Variants in ZNF69 observed in about 807,000 individuals in gnomAD.
ZNF69 encodes the protein ZNF3.
In ZNF69, 47 loss-of-function variants were observed where a neutral mutation model predicts 50.9. The ratio of observed to expected loss-of-function variants is 0.92; its 90% confidence interval spans 0.73 to 1.18. ZNF69 has a LOEUF of 1.18. Among genes scored for constraint, ZNF69 ranks in the 50% most tolerant of loss-of-function variants. The pLI, the probability that ZNF69 is intolerant of heterozygous loss-of-function variation, is 0.00. For synonymous variants in ZNF69, 216 were observed against 223.1 expected (o/e 0.97, Z 0.29); for missense variants, 717 against 675.1 (o/e 1.06, Z -0.69).
the ZNF69 span, among the ~76,000 whole-genome samples, chr19:11,946,071 G>A: frequency 9.2e-5 from 14 of 152,180 alleles, no homozygotes; most frequent in African/African-American, 2.9e-4. Context: ...CCATGGGCTC[G>A]TTAGGGGCAC....
chr19:11,977,194 C>G, the ZNF69 span: 20 of 1,612,574 alleles, frequency 1.2e-5, no homozygotes, highest in Admixed American at 3.4e-5. Context: ...TTCCCTCAGT[C>G]CATTAGTGAA....
the ZNF69 span, among the ~76,000 whole-genome samples, chr19:11,944,282 AG>A: frequency 6.6e-6 from 1 of 152,070 alleles, no homozygotes. Context: ...ATATTTCATA[AG>A]GGGAATATCC....
At chr19:11,912,623 C>T (rs1220439282) in intron 4 of ZNF69, among the ~76,000 whole-genome samples, 1 of 151,910 alleles carries the variant, frequency 6.6e-6, no homozygotes, top group Non-Finnish European at 1.5e-5. Context: ...TGAGTGTATG[C>T]CATGTGGGAA....
downstream of ZNF69, among the ~76,000 whole-genome samples, chr19:11,911,016 A>G (rs538915237): frequency 2.1e-3 from 314 of 152,316 alleles, no homozygotes; most frequent in Non-Finnish European, 3.2e-3. Context: ...GGCAAAGGAT[A>G]TGAACAGACA....
At chr19:11,897,552 G>A (rs1972151544) in intron 1 of ZNF69, among the ~76,000 whole-genome samples, 1 of 149,934 alleles carries the variant, frequency 6.7e-6, no homozygotes, top group Non-Finnish European at 1.5e-5. Flanking sequence ...TCCAGCCTGG[G>A]CAACAGAATG....
the ZNF69 span, chr19:11,979,876 G>A: frequency 4.2e-6 from 6 of 1,441,450 alleles, no homozygotes; most frequent in Middle Eastern, 3.5e-4. Context: ...ACGTAAGAAT[G>A]CACTCTGTAG....
At chr19:11,908,536 A>C (rs1302101430), downstream of ZNF69, among the ~76,000 whole-genome samples, 3 of 152,148 alleles carry the variant, frequency 2.0e-5, no homozygotes, top group Non-Finnish European at 2.9e-5. Context: ...AACCACTCAA[A>C]TACATGGAAA....
chr19:11,933,813 C>A, the ZNF69 span, among the ~76,000 whole-genome samples: 1 of 143,818 alleles, frequency 7.0e-6, no homozygotes, highest in South Asian at 2.1e-4. Context: ...CCACTGCACT[C>A]TAGCCTGGGT....
At chr19:11,888,048 G>T in intron 1 of ZNF69, 62 bp downstream of exon 1, 1 of 1,537,918 alleles carries the variant, frequency 6.5e-7, no homozygotes, top group Non-Finnish European at 8.9e-7. Flanking sequence ...GACCGGAACC[G>T]ACTGTGGCGA....
At chr19:11,940,508 G>C in the ZNF69 span, among the ~76,000 whole-genome samples, 1 of 151,936 alleles carries the variant, frequency 6.6e-6, no homozygotes, top group African/African-American at 2.4e-5. Context: ...GGAGTTCTTC[G>C]TTCCTCCTGG....
the ZNF69 span, among the ~76,000 whole-genome samples, chr19:11,975,726 G>A: frequency 6.6e-6 from 1 of 152,186 alleles, no homozygotes; most frequent in Admixed American, 6.5e-5. Flanking sequence ...CCCATTGTAT[G>A]TGTATGCTTA....
At chr19:11,928,470 C>T in the ZNF69 span, among the ~76,000 whole-genome samples, 98 of 149,774 alleles carry the variant, frequency 6.5e-4, no homozygotes, top group Non-Finnish European at 1.3e-3. Context: ...CGGTGGCTCA[C>T]GCCTGTAATC....
the ZNF69 span, chr19:11,977,990 T>C: frequency 8.3e-7 from 1 of 1,206,702 alleles, no homozygotes; most frequent in Non-Finnish European, 1.2e-6. Context: ...TCCATTTACC[T>C]TCAAACAATT....
chr19:11,947,389 CAT>C, the ZNF69 span: 24 of 1,606,966 alleles, frequency 1.5e-5, no homozygotes, highest in Non-Finnish European at 2.0e-5. Flanking sequence ...TGATTTTGAA[CAT>C]AGACAGGAAA....
At chr19:11,966,782 T>A in the ZNF69 span, among the ~76,000 whole-genome samples, 1 of 152,170 alleles carries the variant, frequency 6.6e-6, no homozygotes, top group Admixed American at 6.6e-5. Flanking sequence ...GTTGCCTTAT[T>A]TGGACTTGTC....
Position 11,888,802 on chromosome 19 carries a change from T to A in ZNF69, c.63+816T>A, listed in dbSNP as rs1977011215. 2.6e-5 allele frequency among the ~76,000 whole-genome samples: 4 copies of A among 152,014 alleles called. No homozygotes were observed. In the South Asian group the frequency reaches 8.3e-4, roughly 32 times the overall value. On this transcript the variant is annotated intron_variant, in intron 1 of 3. Coordinates refer to ENST00000429654, the MANE Select transcript of ZNF69 (RefSeq NM_001364730.1). ...GGCCAACATGGTGAAACCCCGTCTC[T>A]ACTAAAAATATAAAAAAGAAACTAG...
At chr19:11,914,517 A>G (rs1181084910), downstream of ZNF69, among the ~76,000 whole-genome samples, 1 of 152,240 alleles carries the variant, frequency 6.6e-6, no homozygotes, top group African/African-American at 2.4e-5. Context: ...TTACTGAGTC[A>G]TAGGAGGCTA....
At chr19:11,907,501 A>G (rs28842286), downstream of ZNF69, among the ~76,000 whole-genome samples, 16,464 of 152,198 alleles carry the variant, frequency 0.11, 1,965 homozygotes, top group African/African-American at 0.29. Flanking sequence ...CAAGCCAGAA[A>G]AGAGTGGGGG....
chr19:11,962,158 C>A, the ZNF69 span, among the ~76,000 whole-genome samples: 5 of 151,942 alleles, frequency 3.3e-5, no homozygotes, highest in African/African-American at 9.7e-5. Context: ...TGGCTCACAC[C>A]TGTAATCCCA....
Sources: gnomAD v4.1 joint callset for allele counts (sites outside exome capture counted in the v4.1 genomes callset) on GRCh38, gnomAD v4.1.1 for gene constraint, MANE v1.5 for transcripts, NCBI Gene and HGNC (gene_info 2026-07-23, HGNC 2026-07-21) for gene names.